GMDS: variants seen among roughly 807,000 people sequenced by gnomAD.
GMDS encodes the protein GDP-mannose 4,6-dehydratase, also known as GDP-mannose 4,6 dehydratase.
In GMDS, 20 loss-of-function variants were observed where a neutral mutation model predicts 49.9. That is an observed-to-expected ratio of 0.40 (90% confidence interval 0.28 to 0.58). GMDS has a LOEUF of 0.58. Among genes scored for constraint, GMDS ranks in the 20% least tolerant of loss-of-function variants. The pLI is 0.42. For missense variants in GMDS, 362 were observed against 481.4 expected, an observed-to-expected ratio of 0.75 and a Z score of 2.32; for synonymous variants, 177 against 178.6, an observed-to-expected ratio of 0.99 and a Z score of 0.07.
intron 7 of GMDS, among the ~76,000 whole-genome samples, chr6:1,926,008 G>A (rs568777380): frequency 2.6e-5 from 4 of 151,980 alleles, no homozygotes; most frequent in East Asian, 1.9e-4. Context: ...GAACTATGCC[G>A]AGTTTGGCTG....
intron 2 of GMDS, among the ~76,000 whole-genome samples, chr6:2,121,542 G>C (rs1775139412): frequency 6.6e-6 from 1 of 152,190 alleles, no homozygotes; most frequent in African/African-American, 2.4e-5. Flanking sequence ...ATGATCAGAT[G>C]TGTGGATTTC....
chr6:1,738,979 C>G (rs1406866700), intron 8 of GMDS, among the ~76,000 whole-genome samples: 8 of 152,320 alleles, frequency 5.3e-5, no homozygotes, highest in Middle Eastern at 6.8e-3. Context: ...TCTGGGAGGA[C>G]TTTCTGGATA....
intron 7 of GMDS, among the ~76,000 whole-genome samples, chr6:1,857,360 C>T (rs995579474): frequency 2.0e-5 from 3 of 152,174 alleles, no homozygotes; most frequent in Non-Finnish European, 4.4e-5. Flanking sequence ...AGCCCATGAA[C>T]CATGAATAAG....
intron 7 of GMDS, among the ~76,000 whole-genome samples, chr6:1,880,284 CA>C (rs34490393): frequency 0.49 from 29,341 of 60,170 alleles, 4,966 homozygotes; most frequent in Middle Eastern, 0.63. Context: ...CTCATTTCCA[CA>C]AAAAAAAAAA....
chr6:1,839,870 C>T (rs986577881), intron 7 of GMDS, among the ~76,000 whole-genome samples: 1 of 152,174 alleles, frequency 6.6e-6, no homozygotes. Flanking sequence ...CAGCCCTCTG[C>T]GCCTTTGTGG....
intron 7 of GMDS, among the ~76,000 whole-genome samples, chr6:1,793,220 T>C (rs1454204771): frequency 3.9e-5 from 6 of 152,180 alleles, no homozygotes; most frequent in Admixed American, 1.3e-4. Flanking sequence ...CTGTGTTCTA[T>C]GATAGTCTCA....
chr6:1,987,482 T>C (rs1347893127), intron 4 of GMDS, among the ~76,000 whole-genome samples: 9 of 152,174 alleles, frequency 5.9e-5, no homozygotes, highest in Non-Finnish European at 1.5e-5. Flanking sequence ...CAAATATTTA[T>C]AGCGCAACAC....
chr6:1,852,245 A>T (rs956280596), intron 7 of GMDS, among the ~76,000 whole-genome samples: 1 of 152,246 alleles, frequency 6.6e-6, no homozygotes, highest in South Asian at 2.1e-4. Context: ...ACAGGCCTCA[A>T]GAGCTCGCAA....
At chr6:2,208,424 T>C (rs1779904273) in intron 1 of GMDS, among the ~76,000 whole-genome samples, 1 of 152,164 alleles carries the variant, frequency 6.6e-6, no homozygotes. Context: ...AGGATAAATA[T>C]CAAATCATAG....
chr6:1,666,102 T>A (rs1242317336), intron 9 of GMDS, among the ~76,000 whole-genome samples: 1 of 152,196 alleles, frequency 6.6e-6, no homozygotes, highest in African/African-American at 2.4e-5. Flanking sequence ...AGGAGGGCTT[T>A]CATATAAGTG....
At chr6:1,893,193 CTTTTTTTT>C (rs1197199049) in intron 7 of GMDS, among the ~76,000 whole-genome samples, 1 of 127,494 alleles carries the variant, frequency 7.8e-6, no homozygotes, top group African/African-American at 3.0e-5. Flanking sequence ...TTTTTGTTTT[CTTTTTTTT>C]TTTTTTTTTT....
chr6:1,661,186 C>A (rs751854692), intron 9 of GMDS, among the ~76,000 whole-genome samples: 2 of 152,060 alleles, frequency 1.3e-5, no homozygotes, highest in Admixed American at 6.5e-5. Flanking sequence ...TGCGTACAGG[C>A]CTCACTGATA....
At chr6:1,680,582 G>T (rs921572197) in intron 9 of GMDS, among the ~76,000 whole-genome samples, 1 of 152,116 alleles carries the variant, frequency 6.6e-6, no homozygotes, top group Non-Finnish European at 1.5e-5. Context: ...CCCTCCCTTG[G>T]GCGCCCGGCC....
chr6:1,879,671 T>C (rs1759270179), intron 7 of GMDS, among the ~76,000 whole-genome samples: 1 of 152,152 alleles, frequency 6.6e-6, no homozygotes, highest in Admixed American at 6.5e-5. Context: ...GTTAAAGCAG[T>C]ATTGAAATCT....
chr6:1,726,461 T>C lies in GMDS; in HGVS notation c.942A>G (p.Lys314=). The C allele has an allele frequency of 1.2e-6, 2 of 1,614,086 alleles. No individual in the cohort carries two copies. Among genetic ancestry groups the C allele is most frequent in the Non-Finnish European group, 1.7e-6 (2 of 1,179,872 alleles). ...ACTTGAGATCCACAGTCACGTGAACTTTGCCGGTCTCTTTACATCTGCCCA... is the reference window on the plus strand; with the variant it reads ...ACTTGAGATCCACAGTCACGTGAACCTTGCCGGTCTCTTTACATCTGCCCA... The part of the protein sequence containing the change: ...NEVGRCKETG[K]VHVTVDLKYY... Residue 314 remains lysine, a synonymous_variant, in exon 9 of 11, where the codon AAA becomes AAG. Coordinates refer to ENST00000380815, the MANE Select transcript of GMDS (RefSeq NM_001500.4).
chr6:2,240,887 AG>A (rs767359986), intron 1 of GMDS, among the ~76,000 whole-genome samples: 5 of 152,260 alleles, frequency 3.3e-5, no homozygotes, highest in Non-Finnish European at 2.9e-5. Flanking sequence ...GAAACAGATC[AG>A]AAAAATTTTT....
intron 7 of GMDS, among the ~76,000 whole-genome samples, chr6:1,743,474 C>T (rs1288617994): frequency 2.1e-5 from 3 of 142,124 alleles, no homozygotes; most frequent in Non-Finnish European, 3.0e-5. Flanking sequence ...ACCCGGGAGG[C>T]GGAGCTTGCA....
intron 4 of GMDS, among the ~76,000 whole-genome samples, chr6:2,086,823 G>A (rs561919918): frequency 3.9e-5 from 6 of 152,274 alleles, no homozygotes; most frequent in Admixed American, 1.3e-4. Flanking sequence ...TGTTCAGGCC[G>A]ACTATAATAG....
intron 1 of GMDS, among the ~76,000 whole-genome samples, chr6:2,231,222 T>C (rs545812735): frequency 9.9e-5 from 15 of 152,200 alleles, no homozygotes; most frequent in African/African-American, 3.6e-4. Context: ...CCTGGGTATC[T>C]TGACTCCTAA....
Sources: allele counts gnomAD v4.1 joint callset (sites outside exome capture counted in the v4.1 genomes callset), GRCh38; gene constraint gnomAD v4.1.1; transcripts MANE v1.5; gene names NCBI Gene and HGNC (gene_info 2026-07-23, HGNC 2026-07-21).